PALMD: variants seen among roughly 807,000 people sequenced by gnomAD.
The protein encoded by PALMD is paralemmin-like protein.
In PALMD, 42 loss-of-function variants were observed where a neutral mutation model predicts 56.2. The ratio of observed to expected loss-of-function variants is 0.75; its 90% CI spans 0.58 to 0.97. The LOEUF is 0.97. Ranked by LOEUF, PALMD falls within the 50% of genes least tolerant of loss-of-function variation. The probability of loss-of-function intolerance (pLI) is 0.00; values close to 1 mark genes in which losing one functional copy is unlikely to be tolerated. For missense variants in PALMD, 660 were observed against 643.8 expected (o/e 1.03, Z -0.27); for synonymous variants, 242 against 222.9 (o/e 1.09, Z -0.76).
At chr1:99,676,925 A>T (rs12022677) in intron 3 of PALMD, among the ~76,000 whole-genome samples, 11,533 of 152,274 alleles carry the variant, frequency 0.076, 611 homozygotes, top group Admixed American at 0.17. Context: ...GTAGTAATTT[A>T]TCTGCCTATT....
At chr1:99,671,335 C>T (rs892831779) in intron 3 of PALMD, among the ~76,000 whole-genome samples, 1 of 152,154 alleles carries the variant, frequency 6.6e-6, no homozygotes, top group Non-Finnish European at 1.5e-5. Context: ...GCATTCAAAT[C>T]CCTCTTCTGC....
intron 6 of PALMD, among the ~76,000 whole-genome samples, chr1:99,688,460 A>G (rs6664233): frequency 0.078 from 11,892 of 152,200 alleles, 986 homozygotes; most frequent in African/African-American, 0.21. Flanking sequence ...TTAATAGGAA[A>G]GAGGATATCT....
intron 1 of PALMD, among the ~76,000 whole-genome samples, chr1:99,650,285 GAAAAAAAA>G (rs200081370): frequency 8.5e-6 from 1 of 116,968 alleles, no homozygotes; most frequent in African/African-American, 3.7e-5. Context: ...TGCTCATAAT[GAAAAAAAA>G]AAAAAAAAAA....
At chr1:99,667,882 CTTT>C (rs35580645) in intron 3 of PALMD, 116 bp downstream of exon 3, 705 of 757,518 alleles carry the variant, frequency 9.3e-4, no homozygotes, top group Non-Finnish European at 1.1e-3. Flanking sequence ...ATTTGAATTT[CTTT>C]TTTTTTTTTT....
intron 6 of PALMD, 143 bp downstream of exon 6, chr1:99,687,332 C>A: frequency 1.2e-6 from 1 of 828,106 alleles, no homozygotes; most frequent in Non-Finnish European, 1.8e-6. Flanking sequence ...TGTGAGTCAC[C>A]GCATAGGTGA....
At chr1:99,672,433 A>AT (rs1557671039) in intron 3 of PALMD, among the ~76,000 whole-genome samples, 1 of 152,092 alleles carries the variant, frequency 6.6e-6, no homozygotes, top group Non-Finnish European at 1.5e-5. Context: ...AGGTGCACTG[A>AT]TTTTTCAGTC....
chr1:99,670,621 G>A (rs573903249), intron 3 of PALMD, among the ~76,000 whole-genome samples: 1 of 152,150 alleles, frequency 6.6e-6, no homozygotes, highest in South Asian at 2.1e-4. Flanking sequence ...TCAGCAAACT[G>A]CTTTGTTTAA....
At position 99,646,479 on chromosome 1, in the gene PALMD, A is replaced by G. The variant is rs111305664; in HGVS notation, c.45+117A>G. The stretch of plus-strand genomic sequence containing the variant: ...TGGAAAAACAGAACTGTCAGCCTTC[A>G]TGGACGAGTCTCTGTTTCTCTCTTA... On this transcript the variant is annotated intron_variant, in intron 1 of 7. Coordinates refer to ENST00000263174, the MANE Select transcript of PALMD (RefSeq NM_017734.5). 1.9e-4 allele frequency: 147 copies of G among 779,364 alleles called. 2 individuals carry two copies. In the African/African-American group the frequency reaches 2.2e-3, roughly 12 times the overall value. The allele number at this position is 779,364 out of a possible 1,614,324, so 48.3% of individuals were successfully genotyped here. A position where few individuals can be genotyped will look rare whatever the true frequency, so the allele number is the denominator to read the frequency against.
chr1:99,653,432 G>A (rs1047739902), intron 1 of PALMD, among the ~76,000 whole-genome samples: 5 of 151,980 alleles, frequency 3.3e-5, no homozygotes, highest in Non-Finnish European at 1.5e-5. Flanking sequence ...TAAAACACAC[G>A]CTGGATTCTG....
At chr1:99,657,669 AC>A (rs1205500960) in intron 1 of PALMD, among the ~76,000 whole-genome samples, 14 of 152,066 alleles carry the variant, frequency 9.2e-5, no homozygotes, top group Admixed American at 9.2e-4. Flanking sequence ...TAAATTCTGA[AC>A]CCTTTGTCAT....
intron 1 of PALMD, among the ~76,000 whole-genome samples, chr1:99,652,714 A>AG (rs1652623048): frequency 1.0e-5 from 1 of 96,784 alleles, no homozygotes; most frequent in Non-Finnish European, 2.3e-5. Flanking sequence ...AGAAAAGAAA[A>AG]GAAAAGAAAA....
intron 3 of PALMD, among the ~76,000 whole-genome samples, chr1:99,673,515 GT>G (rs1653134996): frequency 3.3e-5 from 5 of 151,936 alleles, no homozygotes; most frequent in Admixed American, 3.3e-4. Flanking sequence ...TCTACCATTT[GT>G]TTCTTATTAA....
In PALMD at chr1:99,687,189, G is replaced by C. The variant is rs897692396; in HGVS notation, c.514G>C (p.Ala172Pro). Residue 172 changes from alanine to proline, a missense_variant and splice_region_variant, in exon 6 of 8, where the codon GCT becomes CCT. Physicochemically the swap from Ala to Pro is conservative, Grantham distance 27 (BLOSUM62 -1). Transcript: ENST00000263174. Reference sequence around the variant, plus strand: ...AGAAGATGATGAACAAAATAGGAAAGGTATATGAGAAATCTGTGTTGAAGG... The same window carrying C: ...AGAAGATGATGAACAAAATAGGAAACGTATATGAGAAATCTGTGTTGAAGG... ...EKEDDEQNRKALYAMEIKVEK... is the reference protein window; with the variant it reads ...EKEDDEQNRKPLYAMEIKVEK... The C allele has an allele frequency of 1.3e-6, 2 of 1,592,734 alleles. No individual in the cohort carries two copies. Among genetic ancestry groups the C allele is most frequent in the Non-Finnish European group, 1.7e-6 (2 of 1,170,782 alleles).
At chr1:99,666,504 C>T (rs1187336392) in intron 2 of PALMD, among the ~76,000 whole-genome samples, 2 of 151,932 alleles carry the variant, frequency 1.3e-5, no homozygotes, top group South Asian at 2.1e-4. Flanking sequence ...AAAACACACC[C>T]ACACACAAAC....
At chr1:99,652,358 C>T (rs1652605249) in intron 1 of PALMD, among the ~76,000 whole-genome samples, 3 of 152,248 alleles carry the variant, frequency 2.0e-5, no homozygotes, top group South Asian at 2.1e-4. Flanking sequence ...AATCCCAGCA[C>T]TTTGGGAGGT....
chr1:99,659,542 C>T (rs181161588), intron 1 of PALMD, among the ~76,000 whole-genome samples: 15 of 152,314 alleles, frequency 9.8e-5, no homozygotes, highest in Non-Finnish European at 2.1e-4. Context: ...TGGCATTTCA[C>T]ATTTATTTGC....
intron 3 of PALMD, 185 bp downstream of exon 3, chr1:99,667,951 T>C: frequency 1.9e-6 from 1 of 533,742 alleles, no homozygotes; most frequent in Non-Finnish European, 3.3e-6. Flanking sequence ...TGATCTCGGC[T>C]CACGGCAACT....
At chr1:99,672,735 G>A (rs574249418) in intron 3 of PALMD, among the ~76,000 whole-genome samples, 46 of 152,296 alleles carry the variant, frequency 3.0e-4, no homozygotes, top group Middle Eastern at 6.8e-3. Context: ...CACACAGAGC[G>A]CCTGACAGAA....
At chr1:99,693,132 G>A (rs1045502377) in intron 7 of PALMD, among the ~76,000 whole-genome samples, 9 of 152,136 alleles carry the variant, frequency 5.9e-5, no homozygotes, top group African/African-American at 2.2e-4. Context: ...ATACAAATGA[G>A]AAAACATGTC....
Sources: gnomAD v4.1 joint callset for allele counts (sites outside exome capture counted in the v4.1 genomes callset) on GRCh38, gnomAD v4.1.1 for gene constraint, MANE v1.5 for transcripts, NCBI Gene and HGNC (gene_info 2026-07-23, HGNC 2026-07-21) for gene names.